Variants in TMPRSS11A observed in about 807,000 individuals in gnomAD.
The protein encoded by TMPRSS11A is transmembrane serine protease 11A.
In TMPRSS11A, 53 loss-of-function variants were observed where a neutral mutation model predicts 58.9. The ratio of observed to expected loss-of-function variants is 0.90; its 90% CI spans 0.72 to 1.13. The LOEUF is 1.13. Among genes scored for constraint, TMPRSS11A ranks in the 50% most tolerant of loss-of-function variants. The pLI is 0.00. For missense variants in TMPRSS11A, 493 were observed against 499.3 expected (o/e 0.99, Z 0.12); for synonymous variants, 167 against 169.8 (o/e 0.98, Z 0.13).
chr4:67,940,183 G>A (rs916023606), intron 3 of TMPRSS11A, among the ~76,000 whole-genome samples: 1 of 152,130 alleles, frequency 6.6e-6, no homozygotes, highest in South Asian at 2.1e-4. Context: ...AGGGATATTG[G>A]CCTGTAATTT....
chr4:67,949,055 T>C (rs1312164034), intron 1 of TMPRSS11A, among the ~76,000 whole-genome samples: 1 of 152,144 alleles, frequency 6.6e-6, no homozygotes, highest in African/African-American at 2.4e-5. Context: ...CATAGAATCT[T>C]ATCAATGTGT....
intron 3 of TMPRSS11A, among the ~76,000 whole-genome samples, chr4:67,943,984 T>G (rs1277598111): frequency 3.9e-5 from 6 of 152,204 alleles, no homozygotes; most frequent in African/African-American, 1.4e-4. Flanking sequence ...TGTGCTTTTT[T>G]TCTTTTTGGG....
chr4:67,936,780 G>A (rs116773304), intron 3 of TMPRSS11A, among the ~76,000 whole-genome samples: 8 of 152,076 alleles, frequency 5.3e-5, no homozygotes, highest in Admixed American at 4.6e-4. Context: ...AGATCACAAG[G>A]CAAAATATTT....
chr4:67,929,433 T>C (rs775127643), intron 5 of TMPRSS11A, among the ~76,000 whole-genome samples: 6 of 152,224 alleles, frequency 3.9e-5, no homozygotes, highest in Non-Finnish European at 8.8e-5. Flanking sequence ...CTTGCCATTT[T>C]CCCAAATGCC....
chr4:67,949,401 T>G (rs17088816), intron 1 of TMPRSS11A, among the ~76,000 whole-genome samples: 1,660 of 152,296 alleles, frequency 0.011, 26 homozygotes, highest in African/African-American at 0.038. Context: ...GTTAGAGTGT[T>G]TCTCCTTTTG....
intron 5 of TMPRSS11A, among the ~76,000 whole-genome samples, chr4:67,926,533 A>T (rs1275474552): frequency 6.6e-6 from 1 of 152,186 alleles, no homozygotes; most frequent in Non-Finnish European, 1.5e-5. Context: ...TGTGTCCCAC[A>T]TCCCTGAGGC....
In TMPRSS11A at chr4:67,929,975, C is replaced by CT. The variant is rs1385382080; in HGVS notation, c.385dup (p.Arg129LysfsTer32). Reference sequence around the variant, plus strand: ...TTGGATTTTCTTCTCTCTTACTGCCCTTTGTTCAGTAGAGGGGAACTGGAA... The same window carrying CT: ...TTGGATTTTCTTCTCTCTTACTGCCCTTTTGTTCAGTAGAGGGGAACTGGAA... On this transcript the variant is annotated frameshift_variant, in exon 5 of 10. Coordinates refer to ENST00000508048, the MANE Select transcript of TMPRSS11A (RefSeq NM_001114387.2). LOFTEE classifies it high-confidence loss of function. 6.2e-7 allele frequency: 1 copy of CT among 1,613,590 alleles called. No homozygotes were observed. The highest frequency in any genetic ancestry group is 8.5e-7 in the Non-Finnish European group (1 of 1,179,724).
intron 9 of TMPRSS11A, among the ~76,000 whole-genome samples, 167 bp downstream of exon 9, chr4:67,914,421 A>G (rs1180497033): frequency 6.6e-6 from 1 of 152,138 alleles, no homozygotes; most frequent in Non-Finnish European, 1.5e-5. Flanking sequence ...TACTTCATTT[A>G]TCTTAATAAA....
rs1186143829 is a variant in TMPRSS11A at position 67,919,009 on chromosome 4, C to T, written c.916G>A (p.Val306Ile). Residue 306 changes from valine to isoleucine, a missense_variant, in exon 8 of 10, where the codon GTC (valine) becomes ATC (isoleucine). Coordinates refer to ENST00000508048, the MANE Select transcript of TMPRSS11A (RefSeq NM_001114387.2). ...ASASFQPNLT[V>I]HITGFGALYY... The stretch of plus-strand genomic sequence containing the variant: ...AGTGCTCCAAATCCTGTGATGTGGA[C>T]AGTCAAATTTGGTTGGAAGGATGCA... 2.5e-6 allele frequency: 4 copies of T among 1,614,140 alleles called. No homozygotes were observed. The highest frequency in any genetic ancestry group is 2.5e-6 in the Non-Finnish European group (3 of 1,180,014).
intron 8 of TMPRSS11A, among the ~76,000 whole-genome samples, chr4:67,917,289 G>T (rs1720184710): frequency 6.6e-6 from 1 of 151,696 alleles, no homozygotes; most frequent in Non-Finnish European, 1.5e-5. Flanking sequence ...AGCAGCATCT[G>T]GCATATATTT....
intron 9 of TMPRSS11A, 28 bp downstream of exon 9, chr4:67,914,560 G>T: frequency 6.2e-7 from 1 of 1,605,472 alleles, no homozygotes. Flanking sequence ...TTTTGAGTTA[G>T]TAATATAAAA....
intron 7 of TMPRSS11A, among the ~76,000 whole-genome samples, chr4:67,920,106 TGTG>T (rs1720279606): frequency 6.6e-6 from 1 of 152,148 alleles, no homozygotes; most frequent in South Asian, 2.1e-4. Flanking sequence ...GATGATCAAA[TGTG>T]GTAAATGCGG....
chr4:67,913,407 G>A (rs1560561448), intron 9 of TMPRSS11A, among the ~76,000 whole-genome samples: 1 of 152,142 alleles, frequency 6.6e-6, no homozygotes, highest in African/African-American at 2.4e-5. Context: ...TTGGATCCTT[G>A]TACCTGAACC....
At chr4:67,948,403 C>A (rs1009221891) in intron 1 of TMPRSS11A, among the ~76,000 whole-genome samples, 1 of 152,070 alleles carries the variant, frequency 6.6e-6, no homozygotes, top group African/African-American at 2.4e-5. Context: ...GGTGATCCAC[C>A]CACCTCGGCC....
intron 2 of TMPRSS11A, among the ~76,000 whole-genome samples, chr4:67,946,072 C>T (rs981644125): frequency 6.6e-6 from 1 of 152,058 alleles, no homozygotes; most frequent in African/African-American, 2.4e-5. Context: ...ATTTTAATAA[C>T]TAATTTATCA....
At chr4:67,916,700 G>A (rs534306721) in intron 8 of TMPRSS11A, among the ~76,000 whole-genome samples, 197 of 152,138 alleles carry the variant, frequency 1.3e-3, no homozygotes, top group Admixed American at 5.5e-3. Flanking sequence ...GGTGGTGGGC[G>A]CCTGCAGTCC....
intron 3 of TMPRSS11A, among the ~76,000 whole-genome samples, chr4:67,943,503 G>A (rs374483159): frequency 1.3e-4 from 20 of 152,126 alleles, no homozygotes; most frequent in Admixed American, 3.9e-4. Context: ...AGTAGAGAAG[G>A]TATTTGGGTG....
intron 7 of TMPRSS11A, among the ~76,000 whole-genome samples, chr4:67,920,549 A>ATATTTTT (rs371252656): frequency 7.6e-6 from 1 of 130,900 alleles, no homozygotes; most frequent in African/African-American, 3.1e-5. Context: ...ATATATATAT[A>ATATTTTT]TTTTTTTTTA....
At chr4:67,916,097 G>A (rs1039299279) in intron 8 of TMPRSS11A, among the ~76,000 whole-genome samples, 4 of 151,868 alleles carry the variant, frequency 2.6e-5, no homozygotes, top group African/African-American at 4.8e-5. Flanking sequence ...TTGATATATC[G>A]TATTCTTGAG....
Sources: gnomAD v4.1 joint callset for allele counts (sites outside exome capture counted in the v4.1 genomes callset) on GRCh38, gnomAD v4.1.1 for gene constraint, MANE v1.5 for transcripts, NCBI Gene and HGNC (gene_info 2026-07-23, HGNC 2026-07-21) for gene names.